TENM4: variants seen among roughly 807,000 people sequenced by gnomAD.
TENM4 encodes teneurin-4.
In TENM4, 82 loss-of-function variants were observed where a neutral mutation model predicts 243.3. That is an observed-to-expected ratio of 0.34 (90% CI 0.28 to 0.40). The LOEUF (loss-of-function observed/expected upper bound fraction) is 0.40. TENM4 is among the 10% of genes least tolerant of loss of function. The pLI is 1.00. For synonymous variants in TENM4, 1,412 were observed against 1,456.3 expected (o/e 0.97, Z 0.69); for missense variants, 3,138 against 3,673.3 (o/e 0.85, Z 3.77).
At chr11:78,767,728 G>A (rs1591008474) in intron 18 of TENM4, among the ~76,000 whole-genome samples, 1 of 152,186 alleles carries the variant, frequency 6.6e-6, no homozygotes, top group Non-Finnish European at 1.5e-5. Flanking sequence ...AACCACTAGT[G>A]AGACTCTAAC....
At chr11:78,820,764 A>T (rs558907310) in intron 12 of TENM4, among the ~76,000 whole-genome samples, 1 of 152,366 alleles carries the variant, frequency 6.6e-6, no homozygotes, top group East Asian at 1.9e-4. Flanking sequence ...ATGCTTCTGA[A>T]TGTGAAGAAG....
At chr11:78,747,470 C>A (rs1470770819) in intron 19 of TENM4, among the ~76,000 whole-genome samples, 1 of 152,208 alleles carries the variant, frequency 6.6e-6, no homozygotes, top group Non-Finnish European at 1.5e-5. Flanking sequence ...TGCTCTAAGT[C>A]CTTCTTCTCA....
intron 27 of TENM4, among the ~76,000 whole-genome samples, chr11:78,708,042 G>T (rs1489738580): frequency 6.6e-6 from 1 of 152,216 alleles, no homozygotes; most frequent in Admixed American, 6.5e-5. Flanking sequence ...TGTTACCAAA[G>T]AGGAAGTTCA....
In TENM4 at chr11:79,204,212, G is replaced by A. The variant is rs11827213; in HGVS notation, c.-163+11596C>T. On this transcript the variant is annotated intron_variant, in intron 3 of 33. Coordinates refer to ENST00000278550, the MANE Select transcript of TENM4 (RefSeq NM_001098816.3). ...AAACGGATTCTGGTGATGGTTTCTC[G>A]ACTCTGCAAATAGTAAAAAGCACTG... Among the ~76,000 whole-genome samples the A allele has an allele frequency of 6.7e-3, 1,016 of 152,186 alleles. 18 individuals carry two copies. Among genetic ancestry groups the A allele is most frequent in the African/African-American group, 0.023 (952 of 41,524 alleles).
chr11:79,320,212 G>A (rs577462458), intron 1 of TENM4, among the ~76,000 whole-genome samples: 3 of 152,196 alleles, frequency 2.0e-5, no homozygotes, highest in Non-Finnish European at 2.9e-5. Context: ...TGGAAGTTTC[G>A]GTCACCCACT....
chr11:79,163,987 G>GTA (rs1491351148), intron 3 of TENM4, among the ~76,000 whole-genome samples: 3 of 119,632 alleles, frequency 2.5e-5, no homozygotes, highest in Non-Finnish European at 5.0e-5. Flanking sequence ...TGTATATATA[G>GTA]TGTATATATA....
intron 6 of TENM4, among the ~76,000 whole-genome samples, chr11:78,947,449 G>T (rs1000950921): frequency 6.6e-6 from 1 of 151,802 alleles, no homozygotes; most frequent in Non-Finnish European, 1.5e-5. Flanking sequence ...GGTGTGTGGG[G>T]ACCTGGAAAA....
chr11:79,021,779 A>T (rs929573495), intron 6 of TENM4: 1 of 152,196 alleles, frequency 6.6e-6, no homozygotes, highest in Admixed American at 6.5e-5. Flanking sequence ...ATTCAAAGGG[A>T]AAGTGAGACA....
chr11:78,860,399 C>T (rs973216900), intron 10 of TENM4, among the ~76,000 whole-genome samples: 5 of 152,196 alleles, frequency 3.3e-5, no homozygotes, highest in Admixed American at 6.5e-5. Flanking sequence ...GATTAACATC[C>T]TATACTGTCT....
chr11:79,377,916 C>A (rs1194867460), intron 1 of TENM4, among the ~76,000 whole-genome samples: 2 of 152,210 alleles, frequency 1.3e-5, no homozygotes, highest in Non-Finnish European at 2.9e-5. Context: ...GGCACCTTTC[C>A]CATCCTTTTG....
chr11:79,038,238 A>G (rs11603431), intron 6 of TENM4, among the ~76,000 whole-genome samples: 1 of 152,128 alleles, frequency 6.6e-6, no homozygotes, highest in African/African-American at 2.4e-5. Context: ...CTCTAAATCA[A>G]TATCTCCAGG....
chr11:78,684,453 G>A (rs1030530277), intron 29 of TENM4, among the ~76,000 whole-genome samples: 2 of 152,200 alleles, frequency 1.3e-5, no homozygotes, highest in South Asian at 2.1e-4. Flanking sequence ...TATGTGCCTG[G>A]CACTGTGCTA....
At chr11:79,210,360 G>A (rs1863933306) in intron 3 of TENM4, among the ~76,000 whole-genome samples, 1 of 152,224 alleles carries the variant, frequency 6.6e-6, no homozygotes, top group African/African-American at 2.4e-5. Context: ...TCTGCTGTGT[G>A]CATGGGAACT....
chr11:79,423,528 C>G lies in TENM4; in HGVS notation c.-321+16981G>C, dbSNP rs1042961227. The stretch of plus-strand genomic sequence containing the variant: ...CGTTCAAGCCAGCTCTGAATGCTTA[C>G]AAGTGCATTTTTTTTTTTTTTTTTT... On this transcript the variant is annotated intron_variant, in intron 1 of 33. Coordinates refer to ENST00000278550, the MANE Select transcript of TENM4 (RefSeq NM_001098816.3). 2.2e-5 allele frequency among the ~76,000 whole-genome samples: 3 copies of G among 139,230 alleles called. No individual in the cohort carries two copies. The Admixed American group carries it at 2.2e-4, about 10-fold the overall frequency. The allele number at this position is 139,230 out of a possible 152,430, so 91.3% of individuals were successfully genotyped here.
intron 22 of TENM4, among the ~76,000 whole-genome samples, chr11:78,727,930 T>C (rs918284436): frequency 3.3e-5 from 5 of 152,162 alleles, no homozygotes; most frequent in African/African-American, 1.2e-4. Context: ...CTGCCGACCA[T>C]TTATGGCAAC....
intron 9 of TENM4, among the ~76,000 whole-genome samples, chr11:78,875,656 A>G (rs1591090293): frequency 6.6e-6 from 1 of 152,350 alleles, no homozygotes; most frequent in Non-Finnish European, 1.5e-5. Flanking sequence ...TTCTCTCACT[A>G]GAGATCTGGC....
At position 78,891,273 on chromosome 11, in the gene TENM4, G is replaced by A. The variant is rs776564665; in HGVS notation, c.813C>T (p.Leu271=). The change falls in exon 8 of 34, where the codon CTC becomes CTT. Residue 271 remains leucine, a synonymous_variant. Transcript: ENST00000278550. ...LQDNLIEMDI[L]GASRHDGAYS... ...AAGCCCCATCATGGCGGGAGGCGCC[G>A]AGAATGTCCATCTCAATGAGGTTGT... 35 of 1,551,586 alleles carry A rather than the reference G, an allele frequency of 2.3e-5. No homozygotes were observed. The highest frequency in any genetic ancestry group is 1.4e-4 in the African/African-American group (10 of 73,052).
At chr11:78,736,480 G>GTGTGCA (rs56929696) in intron 20 of TENM4, among the ~76,000 whole-genome samples, 36 of 120,378 alleles carry the variant, frequency 3.0e-4, no homozygotes, top group Admixed American at 1.8e-3. Context: ...GTGTGTGTGT[G>GTGTGCA]CGCGCGCGTG....
At chr11:78,910,999 A>G (rs1025141645) in intron 6 of TENM4, among the ~76,000 whole-genome samples, 1 of 152,190 alleles carries the variant, frequency 6.6e-6, no homozygotes, top group Non-Finnish European at 1.5e-5. Context: ...AGGTCATAAT[A>G]TGGCTATTTC....
Sources: gnomAD v4.1 joint callset for allele counts (sites outside exome capture counted in the v4.1 genomes callset) on GRCh38, gnomAD v4.1.1 for gene constraint, MANE v1.5 for transcripts, NCBI Gene and HGNC (gene_info 2026-07-23, HGNC 2026-07-21) for gene names.